VPS33B: variants seen among roughly 807,000 people sequenced by gnomAD.
VPS33B encodes the protein VPS33B late endosome and lysosome associated, also known as vacuolar protein sorting-associated protein 33B.
A neutral mutation model predicts 95.3 loss-of-function variants in VPS33B; 80 were observed. That is an observed-to-expected ratio of 0.84 (90% CI 0.70 to 1.01). The LOEUF is 1.01. Ranked by LOEUF, VPS33B falls within the 50% of genes least tolerant of loss-of-function variation. The probability of loss-of-function intolerance (pLI) is 0.00; values close to 1 mark genes in which losing one functional copy is unlikely to be tolerated. For missense variants in VPS33B, 715 were observed against 773.4 expected (o/e 0.92, Z 0.90); for synonymous variants, 280 against 280.4 (o/e 1.00, Z 0.01).
In VPS33B at chr15:91,015,487, C is replaced by G. The variant is rs911863256; in HGVS notation, c.240-1054G>C. On this transcript the variant is annotated intron_variant, in intron 3 of 22. Coordinates refer to ENST00000333371, the MANE Select transcript of VPS33B (RefSeq NM_018668.5). This position sits in a 1 kb window ranked among gnomAD's most constrained non-coding sequence, Gnocchi z 4.7. ...CTGAGGTCAAGAGTTCAAGACCAGCCTGGCCAACATAGAGAAACTCCATCT... is the reference window on the plus strand; with the variant it reads ...CTGAGGTCAAGAGTTCAAGACCAGCGTGGCCAACATAGAGAAACTCCATCT... Among the ~76,000 whole-genome samples the G allele has an allele frequency of 6.6e-6, 1 of 151,918 alleles. No individual in the cohort carries two copies. Among genetic ancestry groups the G allele is most frequent in the African/African-American group, 2.4e-5 (1 of 41,358 alleles).
Position 91,014,408 on chromosome 15 carries a change from TG to T in VPS33B, c.264del (p.Ile89SerfsTer25). 1 of 1,613,884 alleles carries T rather than the reference TG, an allele frequency of 6.2e-7. No individual in the cohort carries two copies. The highest frequency in any genetic ancestry group is 8.5e-7 in the Non-Finnish European group (1 of 1,180,004). On this transcript the variant is annotated frameshift_variant, in exon 4 of 23. Transcript: ENST00000333371. LOFTEE classifies it high-confidence loss of function. ...CTGGCAATGTATCGCATATTCTTGA[TG>T]CGGGGTCTGACCAAGAAGCACAATC... ...NEQLCFLVRP[R>X]IKNMRYIASL...
chr15:91,021,090 T>G (rs2041088857), intron 1 of VPS33B, among the ~76,000 whole-genome samples: 2 of 152,108 alleles, frequency 1.3e-5, no homozygotes, highest in African/African-American at 2.4e-5. Context: ...ACCTGTTCCT[T>G]TTTCTAATTA....
chr15:91,011,233 GAT>G lies in VPS33B; in HGVS notation c.358-1389_358-1388del, dbSNP rs2040771324. ...AAGAATGCTGAGGGCACTCACATCT[GAT>G]AATGAGTTGACATTATTAACAGCTA... On this transcript the variant is annotated intron_variant, in intron 5 of 22. Coordinates refer to ENST00000333371, the MANE Select transcript of VPS33B (RefSeq NM_018668.5). This position sits in a 1 kb window ranked among gnomAD's most constrained non-coding sequence, Gnocchi z 5.5. Among the ~76,000 whole-genome samples, 2 of 152,228 alleles carry G rather than the reference GAT, an allele frequency of 1.3e-5. No individual in the cohort carries two copies. The highest frequency in any genetic ancestry group is 4.1e-4 in the South Asian group (2 of 4,836).
intron 1 of VPS33B, among the ~76,000 whole-genome samples, chr15:91,019,849 A>G (rs1380994862): frequency 6.6e-6 from 1 of 151,332 alleles, no homozygotes; most frequent in Non-Finnish European, 1.5e-5. Flanking sequence ...TTTGTTGCCC[A>G]GGCTGGAGTG....
Position 91,003,237 on chromosome 15 carries a change from T to A in VPS33B, c.1226-106A>T, listed in dbSNP as rs11853600. 8.4e-3 allele frequency: 9,103 copies of A among 1,086,774 alleles called. 483 individuals carry two copies. In the African/African-American group the frequency reaches 0.12, roughly 14 times the overall value. The allele number at this position is 1,086,774 out of a possible 1,614,324, so 67.3% of individuals were successfully genotyped here. ...GAACGCCTTCTTCAGGAGGAAGGAT[T>A]CAGTAAATGTTAACCCTGCAGAGTA... On this transcript the variant is annotated intron_variant, in intron 16 of 22. Transcript: ENST00000333371.
In VPS33B at chr15:91,004,216, CTG is replaced by C. The variant is rs527733365; in HGVS notation, c.1225+659_1225+660del. On this transcript the variant is annotated intron_variant, in intron 16 of 22. Transcript: ENST00000333371. ...CCAGCCTAGGCAACAGAGCAAGACT[CTG>C]TCTTAAAAAAAAAAAAAAGAAGAAA... Among the ~76,000 whole-genome samples, 705 of 138,926 alleles carry C rather than the reference CTG, an allele frequency of 5.1e-3. 7 individuals are homozygous for C. Among genetic ancestry groups the C allele is most frequent in the Middle Eastern group, 0.014 (4 of 286 alleles). 91.1% of individuals were successfully genotyped at this position (138,926 alleles called of 152,430 possible).
chr15:91,020,878 C>T (rs779023454), intron 1 of VPS33B, among the ~76,000 whole-genome samples: 2 of 152,020 alleles, frequency 1.3e-5, no homozygotes, highest in Admixed American at 6.6e-5. Context: ...GAGACTGTGT[C>T]TCAAAAAAAT....
Position 91,007,625 on chromosome 15 carries a change from C to T in VPS33B, c.499-52G>A. 1 of 1,592,028 alleles carries T rather than the reference C, an allele frequency of 6.3e-7. No individual in the cohort carries two copies. ...ATATGAATCAACCCAGTAGGACCAC[C>T]TGGAAAGTGGCTAGCCCTAGAAGCC... On this transcript the variant is annotated intron_variant, in intron 7 of 22. Coordinates refer to ENST00000333371, the MANE Select transcript of VPS33B (RefSeq NM_018668.5). This position sits in a 1 kb window ranked among gnomAD's most constrained non-coding sequence, Gnocchi z 5.3.
intron 3 of VPS33B, among the ~76,000 whole-genome samples, chr15:91,016,021 C>T (rs979446512): frequency 6.6e-6 from 1 of 151,896 alleles, no homozygotes; most frequent in Non-Finnish European, 1.5e-5. Flanking sequence ...GACTACATGC[C>T]GAGCGAACAG....
Position 91,008,015 on chromosome 15 carries a change from G to T in VPS33B, c.404-51C>A, listed in dbSNP as rs767474133. ...CCCTGCAGAAGGTACTTAGCTCCAC[G>T]TTAAGAGGGAAGGTCCGCCACAAAT... On this transcript the variant is annotated intron_variant, in intron 6 of 22. Transcript: ENST00000333371. 8 of 1,565,338 alleles carry T rather than the reference G, an allele frequency of 5.1e-6. No homozygotes were observed. In the South Asian group the frequency reaches 7.8e-5, roughly 15 times the overall value.
At chr15:91,003,216 G>A (rs551742473) in intron 16 of VPS33B, 85 bp from the exon 17 acceptor site, 9 of 1,295,590 alleles carry the variant, frequency 6.9e-6, no homozygotes, top group Admixed American at 5.0e-5. Context: ...AGCAACGAAC[G>A]CCTTCTTCAG....
At position 91,018,844 on chromosome 15, in the gene VPS33B, C is replaced by A. The variant is rs921513528; in HGVS notation, c.97-959G>T. On this transcript the variant is annotated intron_variant, in intron 1 of 22. Coordinates refer to ENST00000333371, the MANE Select transcript of VPS33B (RefSeq NM_018668.5). The surrounding 1 kb of genome is among the most constrained non-coding windows in gnomAD (Gnocchi z 4.7). ...GTTTGTTTGTTTTTTGAGATGAAGT[C>A]TCCCTCTGACACCCAGGCTGGAGTG... 6.6e-6 allele frequency among the ~76,000 whole-genome samples: 1 copy of A among 152,132 alleles called. No individual in the cohort carries two copies. Among genetic ancestry groups the A allele is most frequent in the Non-Finnish European group, 1.5e-5 (1 of 68,010 alleles).
Position 91,002,298 on chromosome 15 carries a change from C to T in VPS33B, c.1273-116G>A. 6.9e-7 allele frequency: 1 copy of T among 1,443,790 alleles called. No homozygotes were observed. Among genetic ancestry groups the T allele is most frequent in the Non-Finnish European group, 9.5e-7 (1 of 1,052,012 alleles). The allele number at this position is 1,443,790 out of a possible 1,614,324, so 89.4% of individuals were successfully genotyped here. On this transcript the variant is annotated intron_variant, in intron 17 of 22. Transcript: ENST00000333371. This position sits in a 1 kb window ranked among gnomAD's most constrained non-coding sequence, Gnocchi z 4.7. ...GCCTCTGCTGCAGTGTGAAGGAGCT[C>T]ACACTTTGTTGAGATAAATTTTCAC...
chr15:91,013,943 G>A lies in VPS33B; in HGVS notation c.290-72C>T. ...ATGCTAGAAACAGGGAAGCTGCCGG[G>A]CACAGTGGTTCACGCCTGTAATCCC... is the stretch of plus-strand genomic sequence containing the variant. On this transcript the variant is annotated intron_variant, in intron 4 of 22. Coordinates refer to ENST00000333371, the MANE Select transcript of VPS33B (RefSeq NM_018668.5). The surrounding 1 kb of genome is among the most constrained non-coding windows in gnomAD (Gnocchi z 4.5). 6.3e-7 allele frequency: 1 copy of A among 1,576,178 alleles called. No homozygotes were observed. The highest frequency in any genetic ancestry group is 8.7e-7 in the Non-Finnish European group (1 of 1,146,222).
At position 91,017,043 on chromosome 15, in the gene VPS33B, AAG is replaced by A; in HGVS notation, c.178-21_178-20del. 1 of 1,613,196 alleles carries A rather than the reference AAG, an allele frequency of 6.2e-7. No homozygotes were observed. The highest frequency in any genetic ancestry group is 8.5e-7 in the Non-Finnish European group (1 of 1,179,366). On this transcript the variant is annotated intron_variant, in intron 2 of 22. Coordinates refer to ENST00000333371, the MANE Select transcript of VPS33B (RefSeq NM_018668.5). ...CGTGTTGCTACAGAGAGAATCCAAT[AAG>A]ACAATGGACATAAGAGTGCCTGAAA...
rs1339173576 is a variant in VPS33B, at chr15:91,009,964, G to A, written c.358-118C>T. The A allele has an allele frequency of 9.0e-7, 1 of 1,117,156 alleles. No individual in the cohort carries two copies. Among genetic ancestry groups the A allele is most frequent in the East Asian group, 2.5e-5 (1 of 40,026 alleles). The allele number at this position is 1,117,156 out of a possible 1,614,324, so 69.2% of individuals were successfully genotyped here. A position where few individuals can be genotyped will look rare whatever the true frequency, so the allele number is the denominator to read the frequency against. On this transcript the variant is annotated intron_variant, in intron 5 of 22. Coordinates refer to ENST00000333371, the MANE Select transcript of VPS33B (RefSeq NM_018668.5). This position sits in a 1 kb window ranked among gnomAD's most constrained non-coding sequence, Gnocchi z 4.1. ...AATTGCCGAACCCAGTGAAAGACAA[G>A]AGAACCCAGACTCTTAAGATCTAGA...
rs1449929382 is a variant in VPS33B, at chr15:91,011,766, T to C, written c.358-1920A>G. ...ACTCTGGGAGGCAGAGGTGGGCAGA[T>C]TGCCTGAGCTCAGGAATTTGAGACC... On this transcript the variant is annotated intron_variant, in intron 5 of 22. Transcript: ENST00000333371. This position sits in a 1 kb window ranked among gnomAD's most constrained non-coding sequence, Gnocchi z 5.5. Among the ~76,000 whole-genome samples, 1 of 152,134 alleles carries C rather than the reference T, an allele frequency of 6.6e-6. No individual in the cohort carries two copies. The highest frequency in any genetic ancestry group is 2.4e-5 in the African/African-American group (1 of 41,434).
chr15:91,001,754 C>A (rs1030223225), intron 18 of VPS33B, among the ~76,000 whole-genome samples: 2 of 152,136 alleles, frequency 1.3e-5, no homozygotes, highest in East Asian at 3.9e-4. Flanking sequence ...AACTAAGGGA[C>A]CTTGGACAAA....
At chr15:91,016,881 A>G (rs976440186) in intron 3 of VPS33B, 82 bp downstream of exon 3, 5 of 1,336,734 alleles carry the variant, frequency 3.7e-6, no homozygotes, top group Non-Finnish European at 5.4e-6. Flanking sequence ...CATATATCTC[A>G]GCCAAGGACA....
Sources: allele counts gnomAD v4.1 joint callset (sites outside exome capture counted in the v4.1 genomes callset), GRCh38; gene constraint gnomAD v4.1.1; non-coding constraint Gnocchi (gnomAD v3.1); transcripts MANE v1.5; gene names NCBI Gene and HGNC (gene_info 2026-07-23, HGNC 2026-07-21).